The following ST14 variants were observed in gnomAD, a reference collection of about 807,000 sequenced individuals.
ST14 encodes suppressor of tumorigenicity 14 protein.
Under a neutral mutation model 96.5 loss-of-function variants are expected in ST14, and 40 were observed. That is an observed-to-expected ratio of 0.41 (90% CI 0.32 to 0.54). The LOEUF (loss-of-function observed/expected upper bound fraction) is 0.54. Ranked by LOEUF, ST14 falls within the 20% of genes least tolerant of loss-of-function variation. The pLI, the probability that ST14 is intolerant of heterozygous loss-of-function variation, is 0.17. For synonymous variants in ST14, 506 were observed against 492.1 expected (o/e 1.03, Z -0.37); for missense variants, 1,066 against 1,188.9 (o/e 0.90, Z 1.52).
At position 130,199,314 on chromosome 11, in the gene ST14, C is replaced by T. The variant is rs569315193; in HGVS notation, c.1807+245C>T. On this transcript the variant is annotated intron_variant, in intron 15 of 18. Coordinates refer to ENST00000278742, the MANE Select transcript of ST14 (RefSeq NM_021978.4). ...GCATCTCAGCGCCTCTGTAGCATGGCGGGGTCGTGGCTGCAGTGCGTTGCT... is the reference window on the plus strand; with the variant it reads ...GCATCTCAGCGCCTCTGTAGCATGGTGGGGTCGTGGCTGCAGTGCGTTGCT... Among the ~76,000 whole-genome samples the T allele has an allele frequency of 5.3e-5, 8 of 152,324 alleles. No individual in the cohort carries two copies. In the East Asian group the frequency reaches 7.7e-4, roughly 15 times the overall value.
At position 130,187,233 on chromosome 11, in the gene ST14, C is replaced by G. The variant is rs1953246160; in HGVS notation, c.82-881C>G. Among the ~76,000 whole-genome samples the G allele has an allele frequency of 1.3e-5, 2 of 152,166 alleles. No individual in the cohort carries two copies. Among genetic ancestry groups the G allele is most frequent in the African/African-American group, 4.8e-5 (2 of 41,432 alleles). ...CACAGTGCCAGGCCATGGTGCATCC[C>G]CAGGATTCAGGGCGGGCAGACGGCA... On this transcript the variant is annotated intron_variant, in intron 1 of 18. Coordinates refer to ENST00000278742, the MANE Select transcript of ST14 (RefSeq NM_021978.4). This position sits in a 1 kb window ranked among gnomAD's most constrained non-coding sequence, Gnocchi z 4.5.
rs542417872 is a variant in ST14 at position 130,195,992 on chromosome 11, A to T, written c.1114-347A>T. On this transcript the variant is annotated intron_variant, in intron 9 of 18. Coordinates refer to ENST00000278742, the MANE Select transcript of ST14 (RefSeq NM_021978.4). ...ACCAACATGGTGAAACCCCATCTCT[A>T]CTAAAAATACAAAAAAAATTATCTG... 1.9e-4 allele frequency among the ~76,000 whole-genome samples: 29 copies of T among 152,132 alleles called. 1 individual carries two copies. The highest frequency in any genetic ancestry group is 6.0e-4 in the African/African-American group (25 of 41,510).
chr11:130,196,500 G>T lies in ST14; in HGVS notation c.1223+52G>T, dbSNP rs1258707491. ...CCGGGCCCATGCTGCAGGGGGAGGG[G>T]TCCCACCAGACCCCCAGCCCCCCGG... On this transcript the variant is annotated intron_variant, in intron 10 of 18. Coordinates refer to ENST00000278742, the MANE Select transcript of ST14 (RefSeq NM_021978.4). 3.2e-6 allele frequency: 5 copies of T among 1,578,398 alleles called. No homozygotes were observed. In the South Asian group the frequency reaches 3.4e-5, roughly 11 times the overall value.
chr11:130,193,690 G>A (rs1436480559), intron 7 of ST14, among the ~76,000 whole-genome samples: 1 of 152,124 alleles, frequency 6.6e-6, no homozygotes, highest in Non-Finnish European at 1.5e-5. Flanking sequence ...GGCCGGTCTC[G>A]AACTCCTGAC....
At chr11:130,163,834 C>T (rs188464577) in intron 1 of ST14, among the ~76,000 whole-genome samples, 2 of 152,314 alleles carry the variant, frequency 1.3e-5, no homozygotes, top group East Asian at 1.9e-4. Flanking sequence ...TGGCTGCCTT[C>T]GCCTGCTAGC....
intron 18 of ST14, 32 bp downstream of exon 18, chr11:130,209,610 G>T (rs1308289459): frequency 6.3e-7 from 1 of 1,591,200 alleles, no homozygotes; most frequent in South Asian, 1.1e-5. Flanking sequence ...CGGCAGGTGG[G>T]CCCCGGGAGA....
chr11:130,171,555 G>A lies in ST14; in HGVS notation c.81+11495G>A, dbSNP rs138996826. On this transcript the variant is annotated intron_variant, in intron 1 of 18. Transcript: ENST00000278742. The stretch of plus-strand genomic sequence containing the variant: ...GCATGATCTCTCTGGGCTTCAGTTC[G>A]CTTTTCTGCAATATTGGGGGGGTCT... Among the ~76,000 whole-genome samples the A allele has an allele frequency of 2.0e-3, 297 of 152,250 alleles. 2 individuals are homozygous for A. Among genetic ancestry groups the A allele is most frequent in the African/African-American group, 6.5e-3 (271 of 41,538 alleles).
chr11:130,198,504 C>G lies in ST14; in HGVS notation c.1571-4C>G, dbSNP rs752749928. ...CTGGTGGCTGAGTCCTGGTGCCTCT[C>G]CAGGTTGTCCGGCCCAGACCTTCAG... On this transcript the variant is annotated splice_polypyrimidine_tract_variant and splice_region_variant and intron_variant, in intron 13 of 18. Coordinates refer to ENST00000278742, the MANE Select transcript of ST14 (RefSeq NM_021978.4). The G allele has an allele frequency of 2.9e-5, 46 of 1,613,838 alleles. No homozygotes were observed. In the Admixed American group the frequency reaches 7.7e-4, roughly 27 times the overall value.
chr11:130,201,820 C>T (rs1485375129), intron 16 of ST14, among the ~76,000 whole-genome samples: 1 of 152,220 alleles, frequency 6.6e-6, no homozygotes, highest in Non-Finnish European at 1.5e-5. Flanking sequence ...TGAAGTGATC[C>T]TCCCATCTTG....
Position 130,209,424 on chromosome 11 carries a change from G to A in ST14, c.2270-18G>A, listed in dbSNP as rs779608770. The stretch of plus-strand genomic sequence containing the variant: ...TCGAAGCAGCCCGGCTCTCAGCCCC[G>A]TCCTGCCCTCTCCCCAGGCACTGGC... On this transcript the variant is annotated intron_variant, in intron 17 of 18. Transcript: ENST00000278742. The A allele has an allele frequency of 6.3e-5, 99 of 1,571,946 alleles. No homozygotes were observed. In the East Asian group the frequency reaches 2.0e-3, roughly 32 times the overall value.
intron 1 of ST14, among the ~76,000 whole-genome samples, chr11:130,174,969 A>G (rs1017539792): frequency 6.6e-6 from 1 of 152,050 alleles, no homozygotes; most frequent in Non-Finnish European, 1.5e-5. Flanking sequence ...ATGTTACCTT[A>G]TGGGTACCTG....
At chr11:130,190,330 A>G (rs911628522) in intron 6 of ST14, 124 bp from the exon 7 acceptor site, 8 of 1,538,038 alleles carry the variant, frequency 5.2e-6, no homozygotes, top group South Asian at 2.3e-5. Context: ...CCCGAGGCCC[A>G]GGGCAGCCTG....
In ST14 at chr11:130,209,479, C is replaced by T; in HGVS notation, c.2307C>T (p.Arg769=). Residue 769 remains arginine, a synonymous_variant, in exon 18 of 19, where the codon CGC becomes CGT. Coordinates refer to ENST00000278742, the MANE Select transcript of ST14 (RefSeq NM_021978.4). ...GALILQKGEI[R]VINQTTCENL... Reference sequence around the variant, plus strand: ...TGATCCTGCAAAAGGGTGAGATCCGCGTCATCAACCAGACCACCTGCGAGA... The same window carrying T: ...TGATCCTGCAAAAGGGTGAGATCCGTGTCATCAACCAGACCACCTGCGAGA... 1 of 1,586,272 alleles carries T rather than the reference C, an allele frequency of 6.3e-7. No individual in the cohort carries two copies.
chr11:130,184,829 C>T (rs1412979955), intron 1 of ST14, among the ~76,000 whole-genome samples: 2 of 152,220 alleles, frequency 1.3e-5, no homozygotes, highest in African/African-American at 4.8e-5. Context: ...TCTTCTCCTA[C>T]GTGTTCCTGA....
chr11:130,189,650 G>T (rs772796028), intron 4 of ST14, 89 bp from the exon 5 acceptor site: 7 of 1,566,252 alleles, frequency 4.5e-6, no homozygotes, highest in Non-Finnish European at 6.1e-6. Flanking sequence ...GGTGTGCCCC[G>T]AGCCGCCCAT....
At chr11:130,194,876 G>GTGTGTT in intron 9 of ST14, 139 bp downstream of exon 9, 1 of 814,028 alleles carries the variant, frequency 1.2e-6, no homozygotes, top group Non-Finnish European at 2.0e-6. Context: ...GTGTGTGTGT[G>GTGTGTT]CGTATGTGTG....
intron 7 of ST14, among the ~76,000 whole-genome samples, chr11:130,193,334 C>T (rs1461423615): frequency 2.0e-5 from 3 of 152,184 alleles, no homozygotes; most frequent in African/African-American, 4.8e-5. Context: ...GCCTTGACCT[C>T]CCAACAGGCT....
Position 130,206,252 on chromosome 11 carries a change from T to C in ST14, c.1995-2158T>C, listed in dbSNP as rs1406838508. ...GTGCGCGGGCGGTGCTGTACCCTAC[T>C]CGGGGAGAGCAGGATCCCCCGTGAA... is the stretch of plus-strand genomic sequence containing the variant. On this transcript the variant is annotated intron_variant, in intron 16 of 18. Coordinates refer to ENST00000278742, the MANE Select transcript of ST14 (RefSeq NM_021978.4). 2.6e-5 allele frequency among the ~76,000 whole-genome samples: 4 copies of C among 152,288 alleles called. No homozygotes were observed. The Middle Eastern group carries it at 0.01, about 388-fold the overall frequency.
At chr11:130,162,943 A>G (rs930434860) in intron 1 of ST14, among the ~76,000 whole-genome samples, 1 of 152,214 alleles carries the variant, frequency 6.6e-6, no homozygotes, top group Non-Finnish European at 1.5e-5. Flanking sequence ...ATGTTACTCA[A>G]TATCTCTAAG....
Sources: gnomAD v4.1 joint callset for allele counts (sites outside exome capture counted in the v4.1 genomes callset) on GRCh38, gnomAD v4.1.1 for gene constraint, Gnocchi (gnomAD v3.1) non-coding constraint, MANE v1.5 for transcripts, NCBI Gene and HGNC (gene_info 2026-07-23, HGNC 2026-07-21) for gene names.